SLC37A3: variants seen among roughly 807,000 people sequenced by gnomAD.
The protein encoded by SLC37A3 is solute carrier family 37 member 3.
SLC37A3 carries 51 observed loss-of-function variants against 67.1 expected under a neutral mutation model. The ratio of observed to expected loss-of-function variants is 0.76; its 90% CI spans 0.61 to 0.96. The LOEUF (loss-of-function observed/expected upper bound fraction) is 0.96, where lower values mean the gene tolerates loss of function less well. SLC37A3 is among the 40% of genes least tolerant of loss of function. The pLI is 0.00. For missense variants in SLC37A3, 508 were observed against 603.0 expected, an observed-to-expected ratio of 0.84 and a Z score of 1.65; for synonymous variants, 214 against 231.4, an observed-to-expected ratio of 0.92 and a Z score of 0.68.
rs1796047599 is a variant in SLC37A3, at chr7:140,334,206, T to C, written c.*1206A>G. On this transcript the variant is annotated 3_prime_UTR_variant, in exon 15 of 15. Coordinates refer to ENST00000326232, the MANE Select transcript of SLC37A3 (RefSeq NM_207113.3). ...TGCAATTTCAACATAATGTACAATA[T>C]TCAATAAATTACATGATATATTCAA... is the stretch of plus-strand genomic sequence containing the variant. The C allele has an allele frequency of 6.6e-6, 1 of 152,214 alleles. No individual in the cohort carries two copies. Among genetic ancestry groups the C allele is most frequent in the East Asian group, 1.9e-4 (1 of 5,200 alleles). 9.4% of individuals were successfully genotyped at this position (152,214 alleles called of 1,614,324 possible). A position where few individuals can be genotyped will look rare whatever the true frequency, so the allele number is the denominator to read the frequency against.
At chr7:140,377,740 TA>T (rs1798089209) in intron 3 of SLC37A3, among the ~76,000 whole-genome samples, 1 of 152,138 alleles carries the variant, frequency 6.6e-6, no homozygotes, top group Non-Finnish European at 1.5e-5. Flanking sequence ...ATAAGCAAAA[TA>T]TTTTTTTAGC....
chr7:140,368,118 C>T (rs1797677585), intron 4 of SLC37A3, among the ~76,000 whole-genome samples: 1 of 151,914 alleles, frequency 6.6e-6, no homozygotes, highest in Non-Finnish European at 1.5e-5. Context: ...CCAGCCCCAC[C>T]TTTCTTACCA....
intron 3 of SLC37A3, among the ~76,000 whole-genome samples, chr7:140,378,397 G>A (rs1356460066): frequency 6.6e-6 from 1 of 152,160 alleles, no homozygotes; most frequent in Non-Finnish European, 1.5e-5. Flanking sequence ...TTCCAATCTG[G>A]GAGGTTAGGG....
intron 9 of SLC37A3, among the ~76,000 whole-genome samples, chr7:140,350,324 C>T (rs1796741274): frequency 6.6e-6 from 1 of 152,170 alleles, no homozygotes; most frequent in African/African-American, 2.4e-5. Flanking sequence ...CACTCCAGTG[C>T]TAGAGTGCCC....
At chr7:140,386,671 G>C (rs1019721307) in intron 1 of SLC37A3, 1 of 152,102 alleles carries the variant, frequency 6.6e-6, no homozygotes, top group Admixed American at 6.5e-5. Flanking sequence ...TGTAAATGCT[G>C]TTATAATTAA....
intron 1 of SLC37A3, among the ~76,000 whole-genome samples, chr7:140,389,212 A>AT (rs1401178781): frequency 3.3e-5 from 5 of 152,156 alleles, no homozygotes; most frequent in African/African-American, 1.2e-4. Flanking sequence ...AGAAATTACA[A>AT]TTTAGGGGTC....
intron 2 of SLC37A3, among the ~76,000 whole-genome samples, chr7:140,382,013 CAA>C (rs35848661): frequency 1.3e-3 from 121 of 90,710 alleles, no homozygotes; most frequent in Middle Eastern, 5.9e-3. Context: ...TACTCCGTCT[CAA>C]AAAAAAAAAA....
rs539255148 is a variant in SLC37A3, at chr7:140,369,641, C to T, written c.240G>A (p.Ala80=). 6.2e-6 allele frequency: 10 copies of T among 1,613,996 alleles called. No homozygotes were observed. Among genetic ancestry groups the T allele is most frequent in the Admixed American group, 3.3e-5 (2 of 59,992 alleles). Residue 80 remains alanine, a synonymous_variant, in exon 4 of 15, where the codon GCG becomes GCA. Coordinates refer to ENST00000326232, the MANE Select transcript of SLC37A3 (RefSeq NM_207113.3). ...TATCCAGTGTGCCGAGGAAAAGAGT[C>T]GCTTTCTCTGCACTGGGGAACAAAT... is the stretch of plus-strand genomic sequence containing the variant. ...SNHLFPSAEK[A]TLFLGTLDTI...
intron 4 of SLC37A3, among the ~76,000 whole-genome samples, chr7:140,365,190 G>A (rs970432050): frequency 4.6e-5 from 7 of 152,224 alleles, no homozygotes; most frequent in Non-Finnish European, 1.0e-4. Context: ...CAGGAAGTGA[G>A]ACTGAAGACC....
chr7:140,358,521 T>C, intron 6 of SLC37A3, 119 bp downstream of exon 6: 1 of 1,372,940 alleles, frequency 7.3e-7, no homozygotes, highest in Non-Finnish European at 1.0e-6. Context: ...AACTCTGACT[T>C]GCTAACGAAA....
At chr7:140,367,197 A>G (rs1011413864) in intron 4 of SLC37A3, among the ~76,000 whole-genome samples, 2 of 151,646 alleles carry the variant, frequency 1.3e-5, no homozygotes, top group Non-Finnish European at 2.9e-5. Context: ...AGCACTTTGG[A>G]AGGCAGCGGT....
At position 140,355,689 on chromosome 7, in the gene SLC37A3, A is replaced by G; in HGVS notation, c.597T>C (p.Ser199=). 6.2e-7 allele frequency: 1 copy of G among 1,614,006 alleles called. No individual in the cohort carries two copies. Among genetic ancestry groups the G allele is most frequent in the Non-Finnish European group, 8.5e-7 (1 of 1,179,932 alleles). The change falls in exon 7 of 15, where the codon TCT becomes TCC. Residue 199 remains serine, a synonymous_variant. Coordinates refer to ENST00000326232, the MANE Select transcript of SLC37A3 (RefSeq NM_207113.3). ...CTACCTCATAACCATACTGAAGAAC[A>G]GAAGAAGCTAGGCACGCTCCCAAAA... ...GNILGACLAS[S]VLQYGYEYAF... is the part of the protein sequence containing the mutation.
chr7:140,358,802 C>A lies in SLC37A3; in HGVS notation c.376-17G>T, dbSNP rs201627432. ...GACAAACACCTTGAAGAGGAGGAAA[C>A]AAAAGGAATATGTAACAGCCACACT... On this transcript the variant is annotated splice_polypyrimidine_tract_variant and intron_variant, in intron 5 of 14. Coordinates refer to ENST00000326232, the MANE Select transcript of SLC37A3 (RefSeq NM_207113.3). 1.1e-4 allele frequency: 184 copies of A among 1,613,816 alleles called. No homozygotes were observed. The highest frequency in any genetic ancestry group is 1.5e-4 in the Non-Finnish European group (175 of 1,179,962).
At chr7:140,382,859 G>GA (rs1253736285) in intron 1 of SLC37A3, among the ~76,000 whole-genome samples, 1 of 150,656 alleles carries the variant, frequency 6.6e-6, no homozygotes, top group African/African-American at 2.4e-5. Context: ...CATTCTTATA[G>GA]AAAAAATGAG....
chr7:140,337,507 C>T, intron 13 of SLC37A3, 158 bp from the exon 14 acceptor site: 1 of 508,740 alleles, frequency 2.0e-6, no homozygotes, highest in East Asian at 3.4e-5. Flanking sequence ...CATGTGCCTG[C>T]TGTGATTAAT....
At chr7:140,394,399 C>T (rs1335621214) in intron 1 of SLC37A3, among the ~76,000 whole-genome samples, 1 of 151,954 alleles carries the variant, frequency 6.6e-6, no homozygotes, top group African/African-American at 2.4e-5. Flanking sequence ...GGGAGGATCA[C>T]TTAAGCTCAA....
At chr7:140,370,578 C>T (rs12703799) in intron 3 of SLC37A3, 82,792 of 145,558 alleles carry the variant, frequency 0.57, 22,668 homozygotes, top group South Asian at 0.64. Flanking sequence ...TCTTCAAAAA[C>T]AATTTCCTCC....
chr7:140,390,727 A>C (rs1490955240), intron 1 of SLC37A3, among the ~76,000 whole-genome samples: 1 of 151,920 alleles, frequency 6.6e-6, no homozygotes, highest in Non-Finnish European at 1.5e-5. Context: ...TCCCCCAATA[A>C]AAACCCACAC....
chr7:140,340,170 G>A (rs1796303983), intron 13 of SLC37A3, among the ~76,000 whole-genome samples: 3 of 152,018 alleles, frequency 2.0e-5, no homozygotes, highest in Admixed American at 2.0e-4. Context: ...GTACATATTT[G>A]TCATGAAGAT....
Sources: allele counts gnomAD v4.1 joint callset (sites outside exome capture counted in the v4.1 genomes callset), GRCh38; gene constraint gnomAD v4.1.1; transcripts MANE v1.5; gene names NCBI Gene and HGNC (gene_info 2026-07-23, HGNC 2026-07-21).